Variants in EPM2A observed in about 807,000 individuals in gnomAD.
EPM2A encodes the protein EPM2A glucan phosphatase, laforin.
Under a neutral mutation model 26.5 loss-of-function variants are expected in EPM2A, and 21 were observed. The observed-to-expected ratio is 0.79, with a 90% CI of 0.56 to 1.14. EPM2A has a LOEUF of 1.14. Among genes scored for constraint, EPM2A ranks in the 50% most tolerant of loss-of-function variants. The pLI is 0.00. For missense variants in EPM2A, 458 were observed against 440.8 expected, an observed-to-expected ratio of 1.04 and a Z score of -0.35; for synonymous variants, 217 against 177.6, an observed-to-expected ratio of 1.22 and a Z score of -1.76.
At chr6:145,534,612 T>G (rs1233993731) in intron 2 of EPM2A, among the ~76,000 whole-genome samples, 1 of 152,262 alleles carries the variant, frequency 6.6e-6, no homozygotes, top group East Asian at 1.9e-4. Flanking sequence ...CCAGGTCCTC[T>G]GCAGCTGCAG....
intron 4 of EPM2A, among the ~76,000 whole-genome samples, chr6:145,460,397 A>C (rs778804003): frequency 1.3e-5 from 2 of 152,310 alleles, no homozygotes; most frequent in Non-Finnish European, 1.5e-5. Flanking sequence ...TCCCAACTAT[A>C]AACTAAGAAG....
intron 2 of EPM2A, chr6:145,671,213 T>C (rs1429891307): frequency 3.0e-6 from 3 of 1,009,308 alleles, no homozygotes; most frequent in East Asian, 9.8e-5. Flanking sequence ...AAAAATCTTA[T>C]CATTATACAA....
chr6:145,599,653 T>C (rs1277428297), intron 2 of EPM2A, among the ~76,000 whole-genome samples: 2 of 152,000 alleles, frequency 1.3e-5, no homozygotes, highest in Non-Finnish European at 2.9e-5. Flanking sequence ...GAATCTTCTA[T>C]ATATGAACAT....
intron 1 of EPM2A, among the ~76,000 whole-genome samples, chr6:145,713,555 C>A (rs1775455761): frequency 6.6e-6 from 1 of 152,146 alleles, no homozygotes; most frequent in South Asian, 2.1e-4. Context: ...TTCACACCCT[C>A]TACAATGGCT....
intron 1 of EPM2A, among the ~76,000 whole-genome samples, chr6:145,723,100 T>C (rs188151374): frequency 6.6e-6 from 1 of 152,294 alleles, no homozygotes; most frequent in Admixed American, 6.5e-5. Context: ...TATAATAGAT[T>C]ATTTAAGGAT....
At chr6:145,522,613 T>C (rs1480815579) in intron 2 of EPM2A, among the ~76,000 whole-genome samples, 1 of 152,216 alleles carries the variant, frequency 6.6e-6, no homozygotes, top group East Asian at 1.9e-4. Flanking sequence ...ATCTTGAAAT[T>C]TGATTATTAC....
intron 2 of EPM2A, among the ~76,000 whole-genome samples, chr6:145,568,906 T>A (rs1200908347): frequency 6.6e-6 from 1 of 152,074 alleles, no homozygotes; most frequent in African/African-American, 2.4e-5. Flanking sequence ...CCCTGTAGGG[T>A]GTTCAAGCCA....
chr6:145,634,139 G>T (rs566824255), intron 3 of EPM2A, among the ~76,000 whole-genome samples: 1 of 152,210 alleles, frequency 6.6e-6, no homozygotes, highest in African/African-American at 2.4e-5. Context: ...AGCAGAGGAG[G>T]TCATCAAACT....
rs761505591 is a variant in EPM2A at position 145,651,256 on chromosome 6, C to A, written c.477-15770G>T. 2.1e-4 allele frequency among the ~76,000 whole-genome samples: 32 copies of A among 152,154 alleles called. 1 individual carries two copies. Among genetic ancestry groups the A allele is most frequent in the Admixed American group, 2.0e-4 (3 of 15,266 alleles). On this transcript the variant is annotated intron_variant, in intron 2 of 3. Coordinates refer to ENST00000367519, the MANE Select transcript of EPM2A (RefSeq NM_005670.4). The stretch of plus-strand genomic sequence containing the variant: ...AAATATGCCTAATTTACCACCAAAG[C>A]CATACAATTTGTCTTGAAGTAAGGA...
At chr6:145,709,041 C>T (rs1450386504) in intron 1 of EPM2A, among the ~76,000 whole-genome samples, 1 of 152,142 alleles carries the variant, frequency 6.6e-6, no homozygotes, top group Admixed American at 6.5e-5. Flanking sequence ...CCTATTTCTC[C>T]CATTTTGGAC....
At chr6:145,620,715 T>C (rs1296732585), downstream of EPM2A, among the ~76,000 whole-genome samples, 10 of 152,240 alleles carry the variant, frequency 6.6e-5, no homozygotes, top group Non-Finnish European at 1.3e-4. Context: ...CTGTCTAGTT[T>C]CTGCTAATTT....
intron 4 of EPM2A, among the ~76,000 whole-genome samples, chr6:145,393,316 C>T (rs1778362049): frequency 6.6e-6 from 1 of 151,978 alleles, no homozygotes; most frequent in East Asian, 1.9e-4. Flanking sequence ...AAACAACAAG[C>T]CCCATCTAAG....
At chr6:145,392,310 A>T (rs1287714945) in intron 4 of EPM2A, among the ~76,000 whole-genome samples, 1 of 152,182 alleles carries the variant, frequency 6.6e-6, no homozygotes, top group Non-Finnish European at 1.5e-5. Flanking sequence ...AAGGAGACAA[A>T]TTCAAGGCTG....
At chr6:145,478,658 C>T (rs1779570382) in intron 4 of EPM2A, among the ~76,000 whole-genome samples, 2 of 151,790 alleles carry the variant, frequency 1.3e-5, no homozygotes, top group Admixed American at 6.6e-5. Context: ...TGTAGCTATA[C>T]ATTTCCCTTT....
chr6:145,521,467 C>A (rs1368687377), intron 2 of EPM2A, among the ~76,000 whole-genome samples: 2 of 152,294 alleles, frequency 1.3e-5, no homozygotes, highest in South Asian at 2.1e-4. Context: ...GTAGTGTATT[C>A]TTTTCTAGCC....
At chr6:145,622,352 C>T (rs919313065), downstream of EPM2A, among the ~76,000 whole-genome samples, 2 of 152,174 alleles carry the variant, frequency 1.3e-5, no homozygotes, top group Non-Finnish European at 2.9e-5. Context: ...CTCCAATCTG[C>T]CTGGTTTCTT....
chr6:145,460,233 A>T (rs1245885075), intron 4 of EPM2A, among the ~76,000 whole-genome samples: 4 of 152,172 alleles, frequency 2.6e-5, no homozygotes. Flanking sequence ...ATTTACACTG[A>T]ATATGTTATT....
In EPM2A at chr6:145,626,937, T is replaced by C. The variant is rs532794081; in HGVS notation, c.*479A>G. On this transcript the variant is annotated 3_prime_UTR_variant, in exon 4 of 4. Coordinates refer to ENST00000367519, the MANE Select transcript of EPM2A (RefSeq NM_005670.4). Reference sequence around the variant, plus strand: ...TTTTTGACCATAGTGAGCTCTTCTTTTGTAACGGTTCAGGCTTCTAACCTT... The same window carrying C: ...TTTTTGACCATAGTGAGCTCTTCTTCTGTAACGGTTCAGGCTTCTAACCTT... The C allele has an allele frequency of 9.9e-7, 1 of 1,011,422 alleles. No homozygotes were observed. The highest frequency in any genetic ancestry group is 4.1e-5 in the South Asian group (1 of 24,346). The allele number at this position is 1,011,422 out of a possible 1,614,324, so 62.7% of individuals were successfully genotyped here.
intron 3 of EPM2A, chr6:145,629,826 A>G (rs1025306405): frequency 7.9e-5 from 12 of 152,276 alleles, no homozygotes; most frequent in African/African-American, 2.9e-4. Flanking sequence ...CTTGCCTCAG[A>G]TGCCCAGTAT....
Sources: allele counts gnomAD v4.1 joint callset (sites outside exome capture counted in the v4.1 genomes callset), GRCh38; gene constraint gnomAD v4.1.1; transcripts MANE v1.5; gene names NCBI Gene and HGNC (gene_info 2026-07-23, HGNC 2026-07-21).